Variants in TMEM91 observed in about 807,000 individuals in gnomAD.
TMEM91 encodes dispanin subfamily C member 3.
A neutral mutation model predicts 13.3 loss-of-function variants in TMEM91; 6 were observed. The observed-to-expected ratio is 0.45, with a 90% CI of 0.25 to 0.89. The LOEUF (loss-of-function observed/expected upper bound fraction) is 0.89, where lower values mean the gene tolerates loss of function less well. TMEM91 is among the 40% of genes least tolerant of loss of function. TMEM91 has a pLI of 0.19. For synonymous variants in TMEM91, 87 were observed against 101.7 expected, an observed-to-expected ratio of 0.86 and a Z score of 0.87; for missense variants, 193 against 228.7, an observed-to-expected ratio of 0.84 and a Z score of 1.01.
Position 41,384,046 on chromosome 19 carries a change from C to T in TMEM91, c.*173C>T, listed in dbSNP as rs2038959375. 8.2e-7 allele frequency: 1 copy of T among 1,212,862 alleles called. No homozygotes were observed. The highest frequency in any genetic ancestry group is 1.1e-6 in the Non-Finnish European group (1 of 908,506). 75.1% of individuals were successfully genotyped at this position (1,212,862 alleles called of 1,614,324 possible). On this transcript the variant is annotated 3_prime_UTR_variant, in exon 4 of 4. Transcript: ENST00000392002. ...CTGGCCACCGCTCTTCGGGCGGCAG[C>T]AACCTGAGATTAAACACCAGACACC...
At chr19:41,375,273 C>CTTTTTTTTTTTTTTTTT (rs906641411), upstream of TMEM91, among the ~76,000 whole-genome samples, 35 of 58,648 alleles carry the variant, frequency 6.0e-4, 1 homozygote, top group African/African-American at 1.2e-3. Flanking sequence ...ATTTTCTTTT[C>CTTTTTTTTTTTTTTTTT]TTTTTTTTTT....
rs533325790 is a variant in TMEM91, at chr19:41,377,856, C to CAA, written c.-29-415_-29-414dup. ...TGAAACCCTATCTTTACTAAAAATA[C>CAA]AAAAAAAAAAATTAGCCGGGCATGG... On this transcript the variant is annotated intron_variant, in intron 1 of 3. Coordinates refer to ENST00000392002, the MANE Select transcript of TMEM91 (RefSeq NM_001098821.2). Among the ~76,000 whole-genome samples, 301 of 143,704 alleles carry CAA rather than the reference C, an allele frequency of 2.1e-3. 3 individuals carry two copies. The highest frequency in any genetic ancestry group is 7.2e-3 in the African/African-American group (282 of 39,040). The allele number at this position is 143,704 out of a possible 152,430, so 94.3% of individuals were successfully genotyped here.
intron 2 of TMEM91, among the ~76,000 whole-genome samples, chr19:41,381,354 G>T (rs902408167): frequency 3.0e-5 from 4 of 133,430 alleles, no homozygotes; most frequent in Middle Eastern, 3.6e-3. Context: ...ACCATGCCTA[G>T]CTAATTTTTT....
intron 3 of TMEM91, chr19:41,383,415 G>C: frequency 1.0e-6 from 1 of 992,572 alleles, no homozygotes; most frequent in South Asian, 3.0e-5. Context: ...CATCTGTAAA[G>C]TGGGAATAAT....
chr19:41,382,657 G>T lies in TMEM91; in HGVS notation c.211-115G>T, dbSNP rs553751956. ...CATCTCTGAACACTTTTTTCTCTTT[G>T]TATCTCTGGGGAAGCCCTAGGGGCA... On this transcript the variant is annotated intron_variant, in intron 2 of 3. Transcript: ENST00000392002. The T allele has an allele frequency of 2.9e-6, 4 of 1,398,236 alleles. No homozygotes were observed. The South Asian group carries it at 5.7e-5, about 20-fold the overall frequency. The allele number at this position is 1,398,236 out of a possible 1,614,324, so 86.6% of individuals were successfully genotyped here.
chr19:41,368,228 T>C (rs1324448247), intron 1 of TMEM91, among the ~76,000 whole-genome samples: 1 of 151,808 alleles, frequency 6.6e-6, no homozygotes, highest in African/African-American at 2.4e-5. Flanking sequence ...CTAGGCAACG[T>C]AGTGAGACCC....
At chr19:41,383,564 C>A (rs955800742) in intron 3 of TMEM91, 151 bp from the exon 4 acceptor site, 2 of 1,610,500 alleles carry the variant, frequency 1.2e-6, no homozygotes, top group South Asian at 2.2e-5. Context: ...CACTCAGCAT[C>A]CCCAGTGCCT....
In TMEM91 at chr19:41,383,575, G is replaced by A. The variant is rs934188525; in HGVS notation, c.361-140G>A. 7.4e-6 allele frequency: 12 copies of A among 1,613,032 alleles called. No individual in the cohort carries two copies. The African/African-American group carries it at 1.6e-4, about 22-fold the overall frequency. On this transcript the variant is annotated intron_variant, in intron 3 of 3. Coordinates refer to ENST00000392002, the MANE Select transcript of TMEM91 (RefSeq NM_001098821.2). ...TAACCACTCAGCATCCCCAGTGCCT[G>A]ACCTATAGTAGGTGCTACGTATCTG...
At chr19:41,366,052 C>CTTTTTTT (rs11375696) in intron 1 of TMEM91, among the ~76,000 whole-genome samples, 1 of 105,840 alleles carries the variant, frequency 9.4e-6, no homozygotes, top group Non-Finnish European at 1.8e-5. Flanking sequence ...TATTTATTTA[C>CTTTTTTT]TTTTTTTTTT....
Position 41,379,597 on chromosome 19 carries a change from A to G in TMEM91, c.210+1078A>G, listed in dbSNP as rs140250839. On this transcript the variant is annotated intron_variant, in intron 2 of 3. Transcript: ENST00000392002. ...AGAGAGGGAGGGAGGGAGGAAGGAA[A>G]GAAAGAAAAGAGAGAGAGAAAGAGA... Among the ~76,000 whole-genome samples, 758 of 151,030 alleles carry G rather than the reference A, an allele frequency of 5.0e-3. 10 individuals are homozygous for G. Among genetic ancestry groups the G allele is most frequent in the African/African-American group, 0.018 (731 of 41,108 alleles).
rs572786616 is a variant in TMEM91 at position 41,379,602 on chromosome 19, GAAAA to G, written c.210+1084_210+1087del. 4.0e-5 allele frequency among the ~76,000 whole-genome samples: 6 copies of G among 149,176 alleles called. No homozygotes were observed. In the East Asian group the frequency reaches 9.8e-4, roughly 24 times the overall value. On this transcript the variant is annotated intron_variant, in intron 2 of 3. Coordinates refer to ENST00000392002, the MANE Select transcript of TMEM91 (RefSeq NM_001098821.2). ...GGGAGGGAGGGAGGAAGGAAAGAAA[GAAAA>G]GAGAGAGAGAAAGAGAGAAAGAAGG... is the stretch of plus-strand genomic sequence containing the variant.
At chr19:41,374,064 C>T (rs1308998128), upstream of TMEM91, 6 of 152,240 alleles carry the variant, frequency 3.9e-5, no homozygotes, top group Non-Finnish European at 8.8e-5. Flanking sequence ...TAAAACAATC[C>T]TGCCCCCTCA....
rs2038959740 is a variant in TMEM91 at position 41,384,066 on chromosome 19, G to A, written c.*193G>A. 9.6e-7 allele frequency: 1 copy of A among 1,038,496 alleles called. No homozygotes were observed. The highest frequency in any genetic ancestry group is 1.9e-5 in the South Asian group (1 of 52,208). 64.3% of individuals were successfully genotyped at this position (1,038,496 alleles called of 1,614,324 possible). A position where few individuals can be genotyped will look rare whatever the true frequency, so the allele number is the denominator to read the frequency against. On this transcript the variant is annotated 3_prime_UTR_variant, in exon 4 of 4. Coordinates refer to ENST00000392002, the MANE Select transcript of TMEM91 (RefSeq NM_001098821.2). ...GGCAGCAACCTGAGATTAAACACCA[G>A]ACACCCTTGCAGCCAAACCAGAGTC...
In TMEM91 at chr19:41,368,562, A is replaced by C. The variant is rs542232457; in HGVS notation, c.-30+4467A>C. Among the ~76,000 whole-genome samples, 5 of 151,396 alleles carry C rather than the reference A, an allele frequency of 3.3e-5. No individual in the cohort carries two copies. In the South Asian group the frequency reaches 1.0e-3, roughly 32 times the overall value. On this transcript the variant is annotated intron_variant, in intron 1 of 3. Coordinates refer to the TMEM91 transcript ENST00000413014. ...GTAGCTGGGATTACAGGCATGTGCC[A>C]CCACACCCGGGTAATTTTTGTATTT...
At chr19:41,365,550 G>C (rs1415313940) in intron 1 of TMEM91, among the ~76,000 whole-genome samples, 1 of 149,268 alleles carries the variant, frequency 6.7e-6, no homozygotes. Context: ...GACTACAGGC[G>C]TGCACCACCA....
At chr19:41,377,856 CA>C (rs533325790) in intron 1 of TMEM91, among the ~76,000 whole-genome samples, 44 of 143,496 alleles carry the variant, frequency 3.1e-4, no homozygotes, top group South Asian at 4.4e-4. Context: ...ACTAAAAATA[CA>C]AAAAAAAAAA....
intron 1 of TMEM91, among the ~76,000 whole-genome samples, chr19:41,367,498 G>A (rs1335538813): frequency 6.6e-6 from 1 of 152,114 alleles, no homozygotes; most frequent in Non-Finnish European, 1.5e-5. Context: ...GGGCATGGCG[G>A]CGGGCGCCTG....
chr19:41,372,211 G>T (rs1461796790), upstream of TMEM91, among the ~76,000 whole-genome samples: 5 of 152,108 alleles, frequency 3.3e-5, no homozygotes, highest in Non-Finnish European at 5.9e-5. Context: ...GCTGGGCATG[G>T]TTGTGCGTGC....
At chr19:41,383,693 C>T (rs2038947896) in intron 3 of TMEM91, 22 bp from the exon 4 acceptor site, 2 of 1,613,570 alleles carry the variant, frequency 1.2e-6, no homozygotes, top group Non-Finnish European at 1.7e-6. Context: ...GCCTGGGTCA[C>T]TGCTGCCCAC....
Sources: gnomAD v4.1 joint callset for allele counts (sites outside exome capture counted in the v4.1 genomes callset) on GRCh38, gnomAD v4.1.1 for gene constraint, MANE v1.5 for transcripts, NCBI Gene and HGNC (gene_info 2026-07-23, HGNC 2026-07-21) for gene names.